Variants in PIEZO2 observed in about 807,000 individuals in gnomAD.
PIEZO2 encodes the protein piezo type mechanosensitive ion channel component 2.
In PIEZO2, 172 loss-of-function variants were observed where a neutral mutation model predicts 337.3. The observed-to-expected ratio is 0.51, with a 90% CI of 0.45 to 0.58. PIEZO2 has a LOEUF of 0.58. Ranked by LOEUF, PIEZO2 falls within the 20% of genes least tolerant of loss-of-function variation. PIEZO2 has a pLI of 0.00. For missense variants in PIEZO2, 3,028 were observed against 3,391.3 expected, an observed-to-expected ratio of 0.89 and a Z score of 2.66; for synonymous variants, 1,251 against 1,228.5, an observed-to-expected ratio of 1.02 and a Z score of -0.38.
intron 7 of PIEZO2, among the ~76,000 whole-genome samples, chr18:10,840,816 G>C (rs969528563): frequency 2.0e-5 from 3 of 152,304 alleles, no homozygotes; most frequent in Middle Eastern, 3.4e-3. Flanking sequence ...CTGGAGACCA[G>C]ATTCTCCAGA....
rs953430184 is a variant in PIEZO2, at chr18:10,816,000, C to T, written c.918-8726G>A. On this transcript the variant is annotated intron_variant, in intron 7 of 55. Transcript: ENST00000674853. The surrounding 1 kb of genome is among the most constrained non-coding windows in gnomAD (Gnocchi z 4.1). ...AACTCCCATTTGGAGAAAGGAGGTG[C>T]GGGAAACACAACACAGGTACCGGAT... is the stretch of plus-strand genomic sequence containing the variant. Among the ~76,000 whole-genome samples, 15 of 152,228 alleles carry T rather than the reference C, an allele frequency of 9.9e-5. No homozygotes were observed. Among genetic ancestry groups the T allele is most frequent in the Middle Eastern group, 6.8e-3 (2 of 294 alleles).
At chr18:10,911,950 A>G (rs1434372223) in intron 3 of PIEZO2, among the ~76,000 whole-genome samples, 1 of 152,160 alleles carries the variant, frequency 6.6e-6, no homozygotes, top group Non-Finnish European at 1.5e-5. Context: ...CTAAAATTCA[A>G]CTTGTAATTT....
At position 10,894,278 on chromosome 18, in the gene PIEZO2, C is replaced by A. The variant is rs899799108; in HGVS notation, c.329+16908G>T. On this transcript the variant is annotated intron_variant, in intron 4 of 55. Coordinates refer to ENST00000674853, the MANE Select transcript of PIEZO2 (RefSeq NM_001378183.1). The surrounding 1 kb of genome is among the most constrained non-coding windows in gnomAD (Gnocchi z 4.1). The stretch of plus-strand genomic sequence containing the variant: ...ACCAGCCTGGCCAACATGGAGAAAT[C>A]CCCTCTGTACTAAAAATACAAAAAA... Among the ~76,000 whole-genome samples, 1 of 151,802 alleles carries A rather than the reference C, an allele frequency of 6.6e-6. No individual in the cohort carries two copies. The highest frequency in any genetic ancestry group is 1.5e-5 in the Non-Finnish European group (1 of 67,984).
intron 2 of PIEZO2, among the ~76,000 whole-genome samples, chr18:11,006,629 G>A (rs933730063): frequency 6.6e-6 from 1 of 152,008 alleles, no homozygotes; most frequent in Non-Finnish European, 1.5e-5. Context: ...GCCAGCCCAA[G>A]GCTACAAATC....
intron 36 of PIEZO2, among the ~76,000 whole-genome samples, chr18:10,721,726 G>A (rs1339905412): frequency 2.6e-5 from 4 of 152,112 alleles, no homozygotes; most frequent in Admixed American, 1.3e-4. Flanking sequence ...CACCCGAGAA[G>A]AAAGAGAGCC....
intron 2 of PIEZO2, among the ~76,000 whole-genome samples, chr18:11,019,500 A>C (rs1429459701): frequency 6.6e-6 from 1 of 152,154 alleles, no homozygotes; most frequent in African/African-American, 2.4e-5. Context: ...AATTCTCAGC[A>C]TGACTGGCTG....
At chr18:11,118,806 GA>G (rs912975028) in intron 1 of PIEZO2, among the ~76,000 whole-genome samples, 18 of 151,960 alleles carry the variant, frequency 1.2e-4, no homozygotes, top group African/African-American at 3.9e-4. Context: ...GACTCTGCAG[GA>G]AAAATCTGTA....
At chr18:10,941,648 A>T (rs1296590016) in intron 3 of PIEZO2, among the ~76,000 whole-genome samples, 5 of 152,252 alleles carry the variant, frequency 3.3e-5, no homozygotes, top group Non-Finnish European at 7.3e-5. Flanking sequence ...TGAAAGTAAC[A>T]GTAGGAAAAC....
At chr18:11,049,355 A>G (rs919185161) in intron 2 of PIEZO2, among the ~76,000 whole-genome samples, 8 of 152,204 alleles carry the variant, frequency 5.3e-5, no homozygotes, top group Non-Finnish European at 1.0e-4. Context: ...CTGGTGACCA[A>G]GGGTCTGTCT....
At chr18:10,998,483 T>C (rs1336901922) in intron 2 of PIEZO2, among the ~76,000 whole-genome samples, 1 of 152,110 alleles carries the variant, frequency 6.6e-6, no homozygotes, top group Non-Finnish European at 1.5e-5. Flanking sequence ...TAATTGAGGG[T>C]ATTATGTTGC....
chr18:10,678,732 C>T (rs2034126055), intron 52 of PIEZO2, among the ~76,000 whole-genome samples: 1 of 152,144 alleles, frequency 6.6e-6, no homozygotes, highest in South Asian at 2.1e-4. Context: ...TATGCTCTTT[C>T]TACCAACACA....
chr18:10,961,441 A>G (rs1324826928), intron 3 of PIEZO2, among the ~76,000 whole-genome samples: 1 of 152,194 alleles, frequency 6.6e-6, no homozygotes, highest in East Asian at 1.9e-4. Flanking sequence ...GGGACAAAAG[A>G]CTACAAATAT....
rs369793077 is a variant in PIEZO2 at position 10,689,636 on chromosome 18, A to G, written c.7497+19T>C. 6 of 1,613,980 alleles carry G rather than the reference A, an allele frequency of 3.7e-6. No individual in the cohort carries two copies. Among genetic ancestry groups the G allele is most frequent in the Non-Finnish European group, 5.1e-6 (6 of 1,179,978 alleles). On this transcript the variant is annotated intron_variant, in intron 49 of 55. Coordinates refer to ENST00000674853, the MANE Select transcript of PIEZO2 (RefSeq NM_001378183.1). ...TAAGAGAAGCAGACAGGAATAAGGCACATCTCCTGGCTTCTTACCTTCTCC... is the reference window on the plus strand; with the variant it reads ...TAAGAGAAGCAGACAGGAATAAGGCGCATCTCCTGGCTTCTTACCTTCTCC...
chr18:10,681,580 A>C, intron 51 of PIEZO2, 81 bp downstream of exon 51: 1 of 1,205,252 alleles, frequency 8.3e-7, no homozygotes, highest in Non-Finnish European at 1.2e-6. Flanking sequence ...ACCTCAGGCC[A>C]TGGCAAAGCA....
At chr18:10,896,935 T>C (rs1034949744) in intron 4 of PIEZO2, among the ~76,000 whole-genome samples, 1 of 152,176 alleles carries the variant, frequency 6.6e-6, no homozygotes, top group South Asian at 2.1e-4. Flanking sequence ...TAATCTCTGC[T>C]GAAAAAAAGT....
Position 10,763,114 on chromosome 18 carries a change from C to A in PIEZO2, c.2947-16G>T. 6.5e-7 allele frequency: 1 copy of A among 1,534,982 alleles called. No homozygotes were observed. Among genetic ancestry groups the A allele is most frequent in the Non-Finnish European group, 8.7e-7 (1 of 1,145,734 alleles). On this transcript the variant is annotated splice_polypyrimidine_tract_variant and intron_variant, in intron 21 of 55. Coordinates refer to ENST00000674853, the MANE Select transcript of PIEZO2 (RefSeq NM_001378183.1). ...ACAGAGACACCTGAAAACGTAAAAC[C>A]AGAAATGGGGACAAAAATACGTAAC...
chr18:10,712,781 GAC>G (rs2035870685), intron 39 of PIEZO2, among the ~76,000 whole-genome samples: 1 of 152,160 alleles, frequency 6.6e-6, no homozygotes, highest in Non-Finnish European at 1.5e-5. Context: ...GTTTTATGAT[GAC>G]ACAGTTTTCC....
At chr18:10,920,142 C>A (rs1165480858) in intron 3 of PIEZO2, among the ~76,000 whole-genome samples, 2 of 152,164 alleles carry the variant, frequency 1.3e-5, no homozygotes, top group Non-Finnish European at 2.9e-5. Context: ...TGAATAGAAG[C>A]CTCCTTCTGA....
At chr18:11,018,962 C>T (rs1432382440) in intron 2 of PIEZO2, among the ~76,000 whole-genome samples, 3 of 151,768 alleles carry the variant, frequency 2.0e-5, no homozygotes, top group African/African-American at 4.8e-5. Context: ...ACAGGTGTTT[C>T]GTGAGTGTGT....
Sources: allele counts gnomAD v4.1 joint callset (sites outside exome capture counted in the v4.1 genomes callset), GRCh38; gene constraint gnomAD v4.1.1; non-coding constraint Gnocchi (gnomAD v3.1); transcripts MANE v1.5; gene names NCBI Gene and HGNC (gene_info 2026-07-23, HGNC 2026-07-21).